WDHD1: variants seen among roughly 807,000 people sequenced by gnomAD.
WDHD1 encodes WD repeat and HMG-box DNA-binding protein 1.
In WDHD1, 111 loss-of-function variants were observed where a neutral mutation model predicts 135.4. The ratio of observed to expected loss-of-function variants is 0.82; its 90% confidence interval spans 0.70 to 0.96. The LOEUF is 0.96. Among genes scored for constraint, WDHD1 ranks in the 40% least tolerant of loss-of-function variants. The pLI is 0.00. For synonymous variants in WDHD1, 434 were observed against 439.0 expected, an observed-to-expected ratio of 0.99 and a Z score of 0.14; for missense variants, 1,351 against 1,336.3, an observed-to-expected ratio of 1.01 and a Z score of -0.17.
chr14:54,965,468 T>G (rs1483007978), intron 18 of WDHD1, among the ~76,000 whole-genome samples: 1 of 152,192 alleles, frequency 6.6e-6, no homozygotes, highest in African/African-American at 2.4e-5. Context: ...CGATCAAAGT[T>G]CTTAAGATTG....
At chr14:54,974,086 G>T (rs1464421976) in intron 16 of WDHD1, among the ~76,000 whole-genome samples, 1 of 147,932 alleles carries the variant, frequency 6.8e-6, no homozygotes, top group African/African-American at 2.6e-5. Context: ...CCTGGAAGAG[G>T]AATTTAAAAA....
rs1292114750 is a variant in WDHD1, at chr14:54,957,041, G to C, written c.2909C>G (p.Pro970Arg). 6.2e-7 allele frequency: 1 copy of C among 1,613,524 alleles called. No homozygotes were observed. The highest frequency in any genetic ancestry group is 1.3e-5 in the African/African-American group (1 of 74,898). The change falls in exon 23 of 26, where the codon CCT (proline) becomes CGT (arginine). Residue 970 changes from proline to arginine, a missense_variant. Transcript: ENST00000360586. ...IIKPLIPKPK[P>R]KQASAASYFQ... ...GGGTAGCTGAAACAGTACCTGCTTA[G>C]GCTTCGGCTTTGGAATCAGAGGCTT... is the stretch of plus-strand genomic sequence containing the variant.
At chr14:54,950,588 A>G (rs895147578) in intron 24 of WDHD1, among the ~76,000 whole-genome samples, 1 of 152,182 alleles carries the variant, frequency 6.6e-6, no homozygotes, top group Non-Finnish European at 1.5e-5. Flanking sequence ...TAGACAGATC[A>G]ACGAGACAAA....
chr14:54,949,797 G>A lies in WDHD1; in HGVS notation c.3051-5327C>T, dbSNP rs536066114. 1.9e-4 allele frequency among the ~76,000 whole-genome samples: 29 copies of A among 152,286 alleles called. No individual in the cohort carries two copies. The South Asian group carries it at 3.9e-3, about 21-fold the overall frequency. On this transcript the variant is annotated intron_variant, in intron 24 of 25. Transcript: ENST00000360586. ...CCATCAGACTAACAGCTGATCTCTC[G>A]GCAGAAACTCTATGAGCCAGAAGAG...
At chr14:55,007,461 C>T (rs2042092853) in intron 6 of WDHD1, 86 bp from the exon 7 acceptor site, 2 of 973,928 alleles carry the variant, frequency 2.1e-6, no homozygotes, top group Non-Finnish European at 3.0e-6. Flanking sequence ...AAAGGTTCTT[C>T]AAATCAATAT....
chr14:55,012,633 T>A (rs549183892), intron 3 of WDHD1, among the ~76,000 whole-genome samples: 2 of 152,326 alleles, frequency 1.3e-5, no homozygotes, highest in African/African-American at 4.8e-5. Flanking sequence ...CAGAAATTTA[T>A]TGTCTCATGA....
chr14:54,987,452 A>ATAT lies in WDHD1; in HGVS notation c.1527-66_1527-65insATA. ...ATGATATTTACATATATATATATAT[A>ATAT]AGCAATCATGATATTCAACAAAAAA... On this transcript the variant is annotated intron_variant, in intron 13 of 25. Transcript: ENST00000360586. 1.9e-4 allele frequency: 257 copies of ATAT among 1,358,252 alleles called. 1 individual carries two copies. Among genetic ancestry groups the ATAT allele is most frequent in the Middle Eastern group, 6.8e-4 (3 of 4,428 alleles). 84.1% of individuals were successfully genotyped at this position (1,358,252 alleles called of 1,614,324 possible).
At chr14:54,998,000 T>A (rs375070885) in intron 10 of WDHD1, among the ~76,000 whole-genome samples, 1 of 150,544 alleles carries the variant, frequency 6.6e-6, no homozygotes, top group South Asian at 2.1e-4. Context: ...TCACCTGAGG[T>A]CAGGAATTCA....
intron 10 of WDHD1, among the ~76,000 whole-genome samples, chr14:54,998,669 C>T (rs1347504910): frequency 3.3e-5 from 5 of 151,744 alleles, no homozygotes; most frequent in Admixed American, 2.0e-4. Flanking sequence ...TTTAACAGAT[C>T]CTATTAACTT....
In WDHD1 at chr14:54,995,765, C is replaced by A. The variant is rs143976463; in HGVS notation, c.991G>T (p.Asp331Tyr). ...KDYNDLFDGD[D>Y]MSNAGDFLND... ...AGAAAATCACCAGCATTACTCATAT[C>A]ATCTCCATCAAAAAGATCATTATAA... Residue 331 changes from aspartate (D) to tyrosine (Y), a missense_variant, in exon 11 of 26, where the codon GAT becomes TAT. By Grantham distance (160) the Asp-to-Tyr change is radical. Around this residue, in one of 2 missense-constraint regions of WDHD1, gnomAD observed 1,330 missense variants for 1,296.1 expected, o/e 1.03. Transcript: ENST00000360586. The A allele has an allele frequency of 5.0e-6, 8 of 1,612,148 alleles. No individual in the cohort carries two copies. Among genetic ancestry groups the A allele is most frequent in the Non-Finnish European group, 6.8e-6 (8 of 1,179,260 alleles).
chr14:54,955,599 G>T lies in WDHD1; in HGVS notation c.3012C>A (p.Thr1004=). ...TGTTTTGAGGAGGACATATAGCTGG[G>T]GTTTCAGATAATACATTTTTAAGAT... The part of the protein sequence containing the change: ...EENLKNVLSE[T]PAICPPQNTE... The change falls in exon 24 of 26, where the codon ACC becomes ACA. Residue 1004 remains threonine (T), a synonymous_variant. Transcript: ENST00000360586. 6.3e-7 allele frequency: 1 copy of T among 1,591,600 alleles called. No homozygotes were observed. The highest frequency in any genetic ancestry group is 8.5e-7 in the Non-Finnish European group (1 of 1,172,144).
chr14:54,942,251 A>AAAAT (rs140230532), intron 25 of WDHD1, among the ~76,000 whole-genome samples: 10,693 of 149,032 alleles, frequency 0.072, 417 homozygotes, highest in African/African-American at 0.1. Flanking sequence ...TCCGTCTCAA[A>AAAAT]AAATAAATAA....
intron 24 of WDHD1, among the ~76,000 whole-genome samples, chr14:54,947,338 G>C (rs1299405845): frequency 1.3e-5 from 2 of 151,856 alleles, no homozygotes; most frequent in African/African-American, 4.8e-5. Flanking sequence ...AAAGAAAAAA[G>C]TGTTAAGCGG....
chr14:54,962,892 A>T (rs2041275851), intron 19 of WDHD1, 39 bp from the exon 20 acceptor site: 1 of 1,611,538 alleles, frequency 6.2e-7, no homozygotes, highest in Non-Finnish European at 8.5e-7. Context: ...GAGCTATGCA[A>T]AGACCAACTT....
At chr14:54,993,757 GT>G (rs982064384) in intron 11 of WDHD1, among the ~76,000 whole-genome samples, 1 of 117,418 alleles carries the variant, frequency 8.5e-6, no homozygotes, top group Non-Finnish European at 2.0e-5. Flanking sequence ...AATTTTTTTT[GT>G]TTTTCATAAA....
chr14:55,024,331 C>T (rs1594601129), intron 2 of WDHD1, among the ~76,000 whole-genome samples: 1 of 152,236 alleles, frequency 6.6e-6, no homozygotes, highest in Non-Finnish European at 1.5e-5. Flanking sequence ...CTCTGAAATA[C>T]GCCCTTCTTC....
chr14:54,982,171 TA>T (rs905633073), intron 15 of WDHD1, among the ~76,000 whole-genome samples: 1 of 151,768 alleles, frequency 6.6e-6, no homozygotes, highest in African/African-American at 2.4e-5. Context: ...CACGCCCAGC[TA>T]ATTTTTTTTT....
intron 15 of WDHD1, 56 bp from the exon 16 acceptor site, chr14:54,981,752 C>A (rs139399115): frequency 3.3e-6 from 4 of 1,213,796 alleles, no homozygotes; most frequent in East Asian, 4.7e-5. Flanking sequence ...TTAAAGGAAC[C>A]CTATTTCAAA....
chr14:54,966,725 A>T (rs945850110), intron 17 of WDHD1, 119 bp from the exon 18 acceptor site: 2 of 1,132,616 alleles, frequency 1.8e-6, no homozygotes, highest in African/African-American at 1.6e-5. Flanking sequence ...CTTCCTTTCT[A>T]TAAGTTTATT....
Sources: gnomAD v4.1 joint callset for allele counts (sites outside exome capture counted in the v4.1 genomes callset) on GRCh38, gnomAD v4.1.1 for gene constraint, gnomAD v4.1.1 regional missense constraint, MANE v1.5 for transcripts, NCBI Gene and HGNC (gene_info 2026-07-23, HGNC 2026-07-21) for gene names.